The following HS6ST3 variants were observed in gnomAD, a reference collection of about 807,000 sequenced individuals.
HS6ST3 encodes the protein heparan-sulfate 6-O-sulfotransferase 3.
Under a neutral mutation model 36.7 loss-of-function variants are expected in HS6ST3, and 12 were observed. The ratio of observed to expected loss-of-function variants is 0.33; its 90% CI spans 0.21 to 0.53. The LOEUF is 0.53. Ranked by LOEUF, HS6ST3 falls within the 20% of genes least tolerant of loss-of-function variation. The probability of loss-of-function intolerance (pLI) is 0.95; values close to 1 mark genes in which losing one functional copy is unlikely to be tolerated. For missense variants in HS6ST3, 584 were observed against 640.9 expected, an observed-to-expected ratio of 0.91 and a Z score of 0.96; for synonymous variants, 240 against 257.5, an observed-to-expected ratio of 0.93 and a Z score of 0.65.
intron 1 of HS6ST3, among the ~76,000 whole-genome samples, chr13:96,445,943 C>A (rs544913924): frequency 2.0e-5 from 3 of 151,918 alleles, no homozygotes; most frequent in African/African-American, 7.2e-5. Flanking sequence ...GAGGCCGAGG[C>A]GGGCAGATCA....
chr13:96,234,121 A>T (rs2054521160), intron 1 of HS6ST3, among the ~76,000 whole-genome samples: 1 of 150,842 alleles, frequency 6.6e-6, no homozygotes, highest in African/African-American at 2.4e-5. Flanking sequence ...AAAAGGAAAG[A>T]AAAAGAAGCC....
chr13:96,135,024 T>C (rs1388213134), intron 1 of HS6ST3, among the ~76,000 whole-genome samples: 2 of 152,182 alleles, frequency 1.3e-5, no homozygotes, highest in African/African-American at 4.8e-5. Context: ...GCCACATTAC[T>C]GAAAGAAGAG....
chr13:96,146,576 G>A (rs531577809), intron 1 of HS6ST3, among the ~76,000 whole-genome samples: 2 of 152,118 alleles, frequency 1.3e-5, no homozygotes, highest in Non-Finnish European at 2.9e-5. Context: ...TCTGATAGAT[G>A]CCTCCTAATA....
chr13:96,247,778 C>A (rs2054591099), intron 1 of HS6ST3, among the ~76,000 whole-genome samples: 1 of 152,198 alleles, frequency 6.6e-6, no homozygotes, highest in African/African-American at 2.4e-5. Context: ...ACAGAGCCTA[C>A]TTTTAATGTG....
intron 1 of HS6ST3, among the ~76,000 whole-genome samples, chr13:96,488,072 T>C (rs1302033528): frequency 2.0e-5 from 3 of 152,176 alleles, no homozygotes; most frequent in African/African-American, 7.2e-5. Flanking sequence ...TGTTTTTCTT[T>C]GCAAAATGTT....
chr13:96,596,057 A>G (rs1354537547), intron 1 of HS6ST3, among the ~76,000 whole-genome samples: 1 of 152,154 alleles, frequency 6.6e-6, no homozygotes, highest in African/African-American at 2.4e-5. Flanking sequence ...AATAGTGTAC[A>G]TGGTACTCAA....
chr13:96,539,272 T>G (rs910395300), intron 1 of HS6ST3, among the ~76,000 whole-genome samples: 6 of 152,214 alleles, frequency 3.9e-5, no homozygotes, highest in African/African-American at 1.4e-4. Flanking sequence ...TAAACCTTAA[T>G]CTGAGCTCCA....
At chr13:96,568,285 G>C (rs537173600) in intron 1 of HS6ST3, among the ~76,000 whole-genome samples, 1 of 151,562 alleles carries the variant, frequency 6.6e-6, no homozygotes, top group African/African-American at 2.4e-5. Flanking sequence ...ATCTTTTTTT[G>C]AGACAGAGTC....
intron 1 of HS6ST3, among the ~76,000 whole-genome samples, chr13:96,701,807 C>G (rs1460326347): frequency 6.6e-6 from 1 of 151,924 alleles, no homozygotes; most frequent in Non-Finnish European, 1.5e-5. Context: ...AAAAAAAATA[C>G]AAAAATTAGC....
chr13:96,165,294 A>G (rs1027744233), intron 1 of HS6ST3, among the ~76,000 whole-genome samples: 3 of 152,138 alleles, frequency 2.0e-5, no homozygotes, highest in Non-Finnish European at 4.4e-5. Flanking sequence ...CTTTTGGTGC[A>G]GTACATATGC....
chr13:96,235,949 AG>A (rs2054532661), intron 1 of HS6ST3, among the ~76,000 whole-genome samples: 1 of 152,190 alleles, frequency 6.6e-6, no homozygotes, highest in East Asian at 1.9e-4. Flanking sequence ...GGAGGAAGGA[AG>A]CCAATCCAAG....
intron 1 of HS6ST3, among the ~76,000 whole-genome samples, chr13:96,815,695 G>A (rs1414946423): frequency 6.6e-6 from 1 of 151,988 alleles, no homozygotes; most frequent in Non-Finnish European, 1.5e-5. Context: ...ACTACGAAAG[G>A]GGAAGGATGG....
At chr13:96,320,049 C>A (rs1251242451) in intron 1 of HS6ST3, among the ~76,000 whole-genome samples, 1 of 151,840 alleles carries the variant, frequency 6.6e-6, no homozygotes, top group Non-Finnish European at 1.5e-5. Flanking sequence ...TTTTTTCTTT[C>A]TGCATGCTGG....
At position 96,832,654 on chromosome 13, in the gene HS6ST3, C is replaced by G; in HGVS notation, c.872C>G (p.Ser291Cys). 2.5e-6 allele frequency: 4 copies of G among 1,614,086 alleles called. No homozygotes were observed. The highest frequency in any genetic ancestry group is 3.4e-6 in the Non-Finnish European group (4 of 1,179,982). Reference protein sequence around the residue: ...LPTCYPGDDWSGVSLREFMDC... With the variant: ...LPTCYPGDDWCGVSLREFMDC... ...ACCTGCTACCCTGGGGATGACTGGT[C>G]TGGGGTCAGCTTGCGGGAGTTTATG... is the stretch of plus-strand genomic sequence containing the variant. Residue 291 changes from serine (S) to cysteine (C), a missense_variant, in exon 2 of 2, where the codon TCT (serine) becomes TGT (cysteine). Ser to Cys is a moderately radical substitution (Grantham distance 112). Around this residue, in one of 3 missense-constraint regions of HS6ST3, gnomAD observed 360 missense variants for 411.3 expected, o/e 0.88. Coordinates refer to ENST00000376705, the MANE Select transcript of HS6ST3 (RefSeq NM_153456.4).
intron 1 of HS6ST3, among the ~76,000 whole-genome samples, chr13:96,443,636 A>C (rs1006570355): frequency 6.6e-6 from 1 of 151,974 alleles, no homozygotes; most frequent in Non-Finnish European, 1.5e-5. Flanking sequence ...ATTATTATCT[A>C]TTCACTTATT....
intron 1 of HS6ST3, among the ~76,000 whole-genome samples, chr13:96,640,771 A>G (rs1594824735): frequency 6.6e-6 from 1 of 152,022 alleles, no homozygotes; most frequent in Non-Finnish European, 1.5e-5. Flanking sequence ...ATTCTTCCGC[A>G]TATAGCTAGC....
chr13:96,156,939 C>T (rs2054113490), intron 1 of HS6ST3, among the ~76,000 whole-genome samples: 1 of 152,144 alleles, frequency 6.6e-6, no homozygotes, highest in Non-Finnish European at 1.5e-5. Flanking sequence ...GCCAAGGGAG[C>T]ACCTTCAGGC....
chr13:96,499,802 G>A (rs2055995300), intron 1 of HS6ST3, among the ~76,000 whole-genome samples: 1 of 152,142 alleles, frequency 6.6e-6, no homozygotes, highest in Admixed American at 6.5e-5. Context: ...AGTGTGGGTG[G>A]GAGGGTGCAT....
At chr13:96,217,947 C>T (rs1490525613) in intron 1 of HS6ST3, among the ~76,000 whole-genome samples, 4 of 152,106 alleles carry the variant, frequency 2.6e-5, no homozygotes, top group Non-Finnish European at 4.4e-5. Context: ...ATTTCTAGCA[C>T]ATAGAATAAT....
Sources: gnomAD v4.1 joint callset for allele counts (sites outside exome capture counted in the v4.1 genomes callset) on GRCh38, gnomAD v4.1.1 for gene constraint, gnomAD v4.1.1 regional missense constraint, MANE v1.5 for transcripts, NCBI Gene and HGNC (gene_info 2026-07-23, HGNC 2026-07-21) for gene names.